The following GLIS3 variants were observed in gnomAD, a reference collection of about 807,000 sequenced individuals.
GLIS3 encodes GLIS family zinc finger 3.
In GLIS3, 53 loss-of-function variants were observed where a neutral mutation model predicts 78.6. The observed-to-expected ratio is 0.67, with a 90% CI of 0.54 to 0.85. GLIS3 has a LOEUF of 0.85. Ranked by LOEUF, GLIS3 falls within the 40% of genes least tolerant of loss-of-function variation. The pLI is 0.00. For synonymous variants in GLIS3, 684 were observed against 509.9 expected (o/e 1.34, Z -4.60); for missense variants, 1,703 against 1,231.1 (o/e 1.38, Z -5.74).
In GLIS3 at chr9:4,247,517, T is replaced by C. The variant is rs368170341; in HGVS notation, c.388+38521A>G. 3.9e-5 allele frequency among the ~76,000 whole-genome samples: 6 copies of C among 152,294 alleles called. No homozygotes were observed. In the South Asian group the frequency reaches 6.2e-4, roughly 16 times the overall value. On this transcript the variant is annotated intron_variant, in intron 2 of 10. Transcript: ENST00000381971. ...GCATATGTTCTGGGGGTTAACAGACTGTCTCTAAAGCCCATCCACAGATTC... is the reference window on the plus strand; with the variant it reads ...GCATATGTTCTGGGGGTTAACAGACCGTCTCTAAAGCCCATCCACAGATTC...
intron 2 of GLIS3, among the ~76,000 whole-genome samples, chr9:4,334,939 T>C (rs1480832571): frequency 6.8e-6 from 1 of 146,690 alleles, no homozygotes; most frequent in East Asian, 2.0e-4. Flanking sequence ...AACGGAGTCT[T>C]GCTCTGTCAC....
At chr9:4,006,434 T>C (rs1345058499) in intron 4 of GLIS3, among the ~76,000 whole-genome samples, 1 of 151,202 alleles carries the variant, frequency 6.6e-6, no homozygotes, top group African/African-American at 2.4e-5. Context: ...GGCCAGATGA[T>C]AAAAACATGC....
At chr9:3,995,999 T>C (rs1820717614) in intron 4 of GLIS3, among the ~76,000 whole-genome samples, 2 of 151,884 alleles carry the variant, frequency 1.3e-5, no homozygotes, top group African/African-American at 4.8e-5. Context: ...ACAAGTTCAC[T>C]GTAGCAAAAA....
chr9:3,895,801 A>G (rs900840507), intron 7 of GLIS3, among the ~76,000 whole-genome samples: 3 of 152,210 alleles, frequency 2.0e-5, no homozygotes, highest in African/African-American at 4.8e-5. Flanking sequence ...ACTTCTTCAC[A>G]CCACAAGTCC....
rs1347932651 is a variant in GLIS3, at chr9:3,991,772, G to C, written c.1711-54583C>G. 7.0e-4 allele frequency among the ~76,000 whole-genome samples: 100 copies of C among 142,486 alleles called. 1 individual carries two copies. Among genetic ancestry groups the C allele is most frequent in the East Asian group, 2.1e-4 (1 of 4,668 alleles). 93.5% of individuals were successfully genotyped at this position (142,486 alleles called of 152,430 possible). A position where few individuals can be genotyped will look rare whatever the true frequency, so the allele number is the denominator to read the frequency against. ...GTGGTGGGATCTCGGCTCACTGCAA[G>C]CTCCGCCTCCCGGCTTCATGCCATT... On this transcript the variant is annotated intron_variant, in intron 4 of 10. Coordinates refer to ENST00000381971, the MANE Select transcript of GLIS3 (RefSeq NM_001042413.2).
At chr9:3,957,157 C>T (rs1337316819) in intron 4 of GLIS3, among the ~76,000 whole-genome samples, 6 of 152,136 alleles carry the variant, frequency 3.9e-5, no homozygotes, top group Non-Finnish European at 8.8e-5. Context: ...GAAGGTGTGG[C>T]CTAGGGGTCT....
chr9:3,876,476 A>C (rs1223346971), intron 8 of GLIS3, among the ~76,000 whole-genome samples: 1 of 150,752 alleles, frequency 6.6e-6, no homozygotes, highest in African/African-American at 2.4e-5. Flanking sequence ...ATCAATGTTA[A>C]ATTTCCTGAG....
the GLIS3 span, among the ~76,000 whole-genome samples, chr9:4,384,174 C>T: frequency 6.6e-6 from 1 of 152,226 alleles, no homozygotes; most frequent in Non-Finnish European, 1.5e-5. Context: ...ACGTTTTCCT[C>T]CTGCTCACTT....
chr9:4,449,054 C>T, the GLIS3 span, among the ~76,000 whole-genome samples: 1 of 152,240 alleles, frequency 6.6e-6, no homozygotes, highest in East Asian at 1.9e-4. Flanking sequence ...CAGGGGATTT[C>T]CCTTTCCTAG....
the GLIS3 span, among the ~76,000 whole-genome samples, chr9:4,448,460 T>C: frequency 1.3e-5 from 2 of 152,216 alleles, no homozygotes; most frequent in Non-Finnish European, 2.9e-5. Flanking sequence ...CTGAGCCAAC[T>C]AGCAAAGTGG....
At chr9:3,973,916 T>A (rs1331911605) in intron 4 of GLIS3, among the ~76,000 whole-genome samples, 1 of 152,146 alleles carries the variant, frequency 6.6e-6, no homozygotes, top group Non-Finnish European at 1.5e-5. Context: ...GCTAACCAAA[T>A]TTTTTATTGT....
chr9:3,841,793 A>C (rs1006524978), intron 9 of GLIS3, among the ~76,000 whole-genome samples: 1 of 152,200 alleles, frequency 6.6e-6, no homozygotes, highest in Non-Finnish European at 1.5e-5. Context: ...AATAAACACG[A>C]AAGTATTTTG....
At chr9:4,427,310 G>T in the GLIS3 span, among the ~76,000 whole-genome samples, 48 of 152,016 alleles carry the variant, frequency 3.2e-4, 1 homozygote, top group Non-Finnish European at 2.8e-4. Context: ...ACTTATAATT[G>T]TTTCCATTTC....
At chr9:4,367,720 C>G in the GLIS3 span, among the ~76,000 whole-genome samples, 2 of 148,490 alleles carry the variant, frequency 1.3e-5, no homozygotes, top group East Asian at 2.0e-4. Context: ...ACACCTAACA[C>G]AAGTACTATA....
At chr9:4,329,285 G>C (rs960365615) in intron 2 of GLIS3, among the ~76,000 whole-genome samples, 25 of 152,162 alleles carry the variant, frequency 1.6e-4, no homozygotes, top group African/African-American at 6.0e-4. Context: ...TGTGTGTGCA[G>C]TGCCATTTTT....
intron 4 of GLIS3, among the ~76,000 whole-genome samples, chr9:4,063,193 T>C (rs1826802567): frequency 6.6e-6 from 1 of 152,124 alleles, no homozygotes; most frequent in Admixed American, 6.5e-5. Flanking sequence ...AGAAGCAAAA[T>C]GTATGAGATG....
chr9:4,384,736 A>G, the GLIS3 span, among the ~76,000 whole-genome samples: 1 of 151,846 alleles, frequency 6.6e-6, no homozygotes, highest in Non-Finnish European at 1.5e-5. Context: ...AATTTCCTTC[A>G]CCAGCTGGTT....
intron 4 of GLIS3, among the ~76,000 whole-genome samples, chr9:4,075,215 A>C (rs1353991031): frequency 6.6e-6 from 1 of 152,132 alleles, no homozygotes. Context: ...TGTATACATT[A>C]AATATGTGCA....
intron 4 of GLIS3, among the ~76,000 whole-genome samples, chr9:3,999,421 G>A (rs947051830): frequency 1.3e-5 from 2 of 152,080 alleles, no homozygotes; most frequent in Non-Finnish European, 2.9e-5. Context: ...CTCCAAGAGT[G>A]CTTTTTTAAA....
Sources: allele counts gnomAD v4.1 joint callset (sites outside exome capture counted in the v4.1 genomes callset), GRCh38; gene constraint gnomAD v4.1.1; transcripts MANE v1.5; gene names NCBI Gene and HGNC (gene_info 2026-07-23, HGNC 2026-07-21).